The following WDR62 variants were observed in gnomAD, a reference collection of about 807,000 sequenced individuals.
WDR62 encodes WD repeat-containing protein 62.
In WDR62, 112 loss-of-function variants were observed where a neutral mutation model predicts 160.6. The ratio of observed to expected loss-of-function variants is 0.70; its 90% CI spans 0.60 to 0.82. The LOEUF is 0.82. WDR62 is among the 40% of genes least tolerant of loss of function. The probability of loss-of-function intolerance (pLI) is 0.00; values close to 1 mark genes in which losing one functional copy is unlikely to be tolerated. For missense variants in WDR62, 1,819 were observed against 1,983.8 expected (o/e 0.92, Z 1.58); for synonymous variants, 792 against 815.1 (o/e 0.97, Z 0.48).
chr19:36,104,397 G>T, intron 30 of WDR62, 121 bp from the exon 31 acceptor site: 1 of 1,290,606 alleles, frequency 7.7e-7, no homozygotes, highest in Middle Eastern at 2.1e-4. Flanking sequence ...AGGGGAGGGA[G>T]CCTTGGGGAC....
Position 36,103,216 on chromosome 19 carries a change from C to T in WDR62, c.3514+9C>T. ...GGCCTGGCGCCCACCACGTGAGTGC[C>T]CCAGTCCCAGACGGACAGTCCTGGG... is the stretch of plus-strand genomic sequence containing the variant. On this transcript the variant is annotated intron_variant, in intron 29 of 31. Transcript: ENST00000401500. 6.2e-7 allele frequency: 1 copy of T among 1,613,476 alleles called. No homozygotes were observed. Among genetic ancestry groups the T allele is most frequent in the Non-Finnish European group, 8.5e-7 (1 of 1,180,000 alleles).
chr19:36,102,493 T>A (rs935431588), intron 26 of WDR62: 6 of 591,580 alleles, frequency 1.0e-5, no homozygotes, highest in Non-Finnish European at 1.5e-5. Flanking sequence ...AACTCCTGCC[T>A]CAGATGATCT....
chr19:36,083,183 A>T lies in WDR62; in HGVS notation c.1492A>T (p.Met498Leu). 6 of 1,611,950 alleles carry T rather than the reference A, an allele frequency of 3.7e-6. No homozygotes were observed. The highest frequency in any genetic ancestry group is 4.2e-6 in the Non-Finnish European group (5 of 1,178,972). ...GGACGTGAAAGCCGGGGTGCGGGTC[A>T]TGCAGGTCAGTCCTGACGGCCAGCA... is the stretch of plus-strand genomic sequence containing the variant. ...PMDVKAGVRV[M>L]QVSPDGQHLA... is the part of the protein sequence containing the mutation. Residue 498 changes from methionine to leucine, a missense_variant, in exon 11 of 32, where the codon ATG becomes TTG. Physicochemically the swap from Met to Leu is conservative, Grantham distance 15. Around this residue, in one of 3 missense-constraint regions of WDR62, gnomAD observed 934 missense variants for 1,157.2 expected, o/e 0.81. Transcript: ENST00000401500.
chr19:36,077,031 A>G (rs569495454), intron 9 of WDR62, among the ~76,000 whole-genome samples: 19 of 152,120 alleles, frequency 1.2e-4, no homozygotes, highest in African/African-American at 3.9e-4. Context: ...CACCATTTCA[A>G]CTATTTTAAA....
rs771467789 is a variant in WDR62, at chr19:36,103,198, C to T, written c.3505C>T (p.Arg1169Cys). Residue 1169 changes from arginine to cysteine, a missense_variant, in exon 29 of 32, where the codon CGC becomes TGC. Around this residue, in one of 3 missense-constraint regions of WDR62, gnomAD observed 770 missense variants for 734.2 expected, o/e 1.05. Transcript: ENST00000401500. ...GGCTGAAGAGACCCTGGAGGCCTGG[C>T]GCCCACCACGTGAGTGCCCCAGTCC... The part of the protein sequence containing the change: ...GKAEETLEAW[R>C]PPPPCLTSLA... The T allele has an allele frequency of 4.6e-5, 75 of 1,613,608 alleles. No individual in the cohort carries two copies. Among genetic ancestry groups the T allele is most frequent in the Admixed American group, 2.8e-4 (17 of 60,000 alleles).
intron 13 of WDR62, 128 bp downstream of exon 13, chr19:36,086,940 A>G (rs891954013): frequency 4.4e-6 from 6 of 1,359,634 alleles, no homozygotes; most frequent in Non-Finnish European, 6.0e-6. Context: ...CAGTATACAG[A>G]ATAATGACTG....
At chr19:36,102,698 GGGAA>G (rs1568369756) in intron 26 of WDR62, 35 bp from the exon 27 acceptor site, 11 of 1,598,514 alleles carry the variant, frequency 6.9e-6, no homozygotes, top group Non-Finnish European at 9.4e-6. Flanking sequence ...GCTGCTCGGC[GGGAA>G]GGGTTATGAG....
chr19:36,082,734 C>G (rs1971972152), intron 10 of WDR62, among the ~76,000 whole-genome samples: 2 of 152,222 alleles, frequency 1.3e-5, no homozygotes, highest in African/African-American at 2.4e-5. Context: ...TTCCAGCTCT[C>G]TACTCTGTCA....
chr19:36,066,622 A>G (rs918956082), intron 5 of WDR62, among the ~76,000 whole-genome samples, 195 bp downstream of exon 5: 2 of 152,232 alleles, frequency 1.3e-5, no homozygotes, highest in South Asian at 2.1e-4. Flanking sequence ...AGCATTATAC[A>G]TATTTTTATA....
At chr19:36,088,777 C>A (rs528796585) in intron 13 of WDR62, among the ~76,000 whole-genome samples, 3 of 152,314 alleles carry the variant, frequency 2.0e-5, no homozygotes, top group African/African-American at 4.8e-5. Context: ...AGAGGGTGTC[C>A]CTTCTTTGTC....
At chr19:36,063,459 G>A (rs1280370593) in intron 3 of WDR62, among the ~76,000 whole-genome samples, 2 of 150,838 alleles carry the variant, frequency 1.3e-5, no homozygotes, top group African/African-American at 2.4e-5. Context: ...CACTATGTTG[G>A]TCAGGCTGGT....
At chr19:36,081,396 T>C (rs375516621) in intron 9 of WDR62, 37 bp from the exon 10 acceptor site, 3 of 1,613,788 alleles carry the variant, frequency 1.9e-6, no homozygotes, top group African/African-American at 1.3e-5. Context: ...AGTGCTGTCA[T>C]TGAGTCATCC....
At chr19:36,080,067 C>T (rs1971801506) in intron 9 of WDR62, among the ~76,000 whole-genome samples, 1 of 152,028 alleles carries the variant, frequency 6.6e-6, no homozygotes, top group Admixed American at 6.6e-5. Context: ...TTAATTTTCT[C>T]CTCAGTTATA....
At chr19:36,060,492 C>T (rs1018397020) in intron 3 of WDR62, 1 of 179,124 alleles carries the variant, frequency 5.6e-6, no homozygotes, top group Non-Finnish European at 1.2e-5. Context: ...TAAGAATCTC[C>T]GGCGCTTTAG....
intron 9 of WDR62, among the ~76,000 whole-genome samples, chr19:36,080,295 T>C (rs1248831077): frequency 2.0e-5 from 3 of 149,400 alleles, no homozygotes; most frequent in African/African-American, 7.3e-5. Flanking sequence ...TTTTTTTTTT[T>C]AGTAGAGACG....
chr19:36,101,030 T>TTCTCCTTAGTTCC (rs1389323663), intron 23 of WDR62, among the ~76,000 whole-genome samples, 155 bp downstream of exon 23: 1 of 152,136 alleles, frequency 6.6e-6, no homozygotes, highest in Non-Finnish European at 1.5e-5. Flanking sequence ...AGTTCCCTGG[T>TTCTCCTTAGTTCC]TCCAGGTGGG....
In WDR62 at chr19:36,099,666, C is replaced by T. The variant is rs769326292; in HGVS notation, c.2739+49C>T. 7.4e-5 allele frequency: 118 copies of T among 1,588,902 alleles called. No homozygotes were observed. In the East Asian group the frequency reaches 2.6e-3, roughly 35 times the overall value. On this transcript the variant is annotated intron_variant, in intron 22 of 31. Transcript: ENST00000401500. Reference sequence around the variant, plus strand: ...GCCCATAGCCCCGGCACCGTGACGGCCCCAGGGCCTGGCGCCTTAGGCTGA... The same window carrying T: ...GCCCATAGCCCCGGCACCGTGACGGTCCCAGGGCCTGGCGCCTTAGGCTGA...
rs573697561 is a variant in WDR62 at position 36,056,550 on chromosome 19, C to A, written c.177+1402C>A. On this transcript the variant is annotated intron_variant, in intron 1 of 31. Transcript: ENST00000401500. Reference sequence around the variant, plus strand: ...CCTGAATGTCGCTATCTTGAAAGGCCTTCTCGAACCCCATTCTAAAGCAAA... The same window carrying A: ...CCTGAATGTCGCTATCTTGAAAGGCATTCTCGAACCCCATTCTAAAGCAAA... 3.3e-5 allele frequency among the ~76,000 whole-genome samples: 5 copies of A among 152,322 alleles called. No homozygotes were observed. The East Asian group carries it at 9.6e-4, about 29-fold the overall frequency.
intron 12 of WDR62, among the ~76,000 whole-genome samples, chr19:36,086,308 C>T (rs1011604554): frequency 1.3e-5 from 2 of 152,142 alleles, no homozygotes; most frequent in Non-Finnish European, 2.9e-5. Flanking sequence ...AGCCAGACCT[C>T]AGAGGGTGAG....
Sources: gnomAD v4.1 joint callset for allele counts (sites outside exome capture counted in the v4.1 genomes callset) on GRCh38, gnomAD v4.1.1 for gene constraint, gnomAD v4.1.1 regional missense constraint, MANE v1.5 for transcripts, NCBI Gene and HGNC (gene_info 2026-07-23, HGNC 2026-07-21) for gene names.